Variants in CENPE observed in about 807,000 individuals in gnomAD.
CENPE encodes centromere protein E.
Under a neutral mutation model 336.1 loss-of-function variants are expected in CENPE, and 145 were observed. The observed-to-expected ratio is 0.43, with a 90% CI of 0.38 to 0.50. The LOEUF (loss-of-function observed/expected upper bound fraction) is 0.50, where lower values mean the gene tolerates loss of function less well. Ranked by LOEUF, CENPE falls within the 20% of genes least tolerant of loss-of-function variation. The pLI is 0.00. For synonymous variants in CENPE, 1,013 were observed against 984.8 expected (o/e 1.03, Z -0.54); for missense variants, 2,719 against 3,023.3 (o/e 0.90, Z 2.36).
chr4:103,173,632 C>CAATATTTGCAGAAAT (rs1755611740), intron 16 of CENPE, among the ~76,000 whole-genome samples: 1 of 112,530 alleles, frequency 8.9e-6, no homozygotes, highest in Non-Finnish European at 2.1e-5. Context: ...GCAAAATATA[C>CAATATTTGCAGAAAT]ATCTGACACA....
chr4:103,176,005 T>C lies in CENPE; in HGVS notation c.1434A>G (p.Thr478=), dbSNP rs775360155. The C allele has an allele frequency of 3.7e-6, 6 of 1,607,642 alleles. No individual in the cohort carries two copies. The African/African-American group carries it at 6.7e-5, about 18-fold the overall frequency. Residue 478 remains threonine, a synonymous_variant, in exon 15 of 49, where the codon ACA becomes ACG. Coordinates refer to ENST00000265148, the MANE Select transcript of CENPE (RefSeq NM_001813.3). Reference sequence around the variant, plus strand: ...CTGGATTCCATTCTATCTCACTTAATGTATCAAGAGTGTTACTGAAAACAT... The same window carrying C: ...CTGGATTCCATTCTATCTCACTTAACGTATCAAGAGTGTTACTGAAAACAT... ...ESDVFSNTLD[T]LSEIEWNPAT... is the part of the protein sequence containing the mutation.
Position 103,120,165 on chromosome 4 carries a change from T to G in CENPE, c.7312A>C (p.Thr2438Pro). Residue 2438 changes from threonine (T) to proline (P), a missense_variant, in exon 44 of 49, where the codon ACA becomes CCA. Physicochemically the swap from Thr to Pro is conservative, Grantham distance 38 (BLOSUM62 -1). This residue lies in a region of CENPE where 2,437 missense variants were observed against 2,513.3 expected (regional missense o/e 0.97). Coordinates refer to ENST00000265148, the MANE Select transcript of CENPE (RefSeq NM_001813.3). Reference protein sequence around the residue: ...SNKCLEKTKETIQVLQDKVAL... With the variant: ...SNKCLEKTKEPIQVLQDKVAL... Reference sequence around the variant, plus strand: ...TAAGTTACCTGAAGTACTTGAATTGTCTCTTTTGTTTTTTCAAGGCATTTA... The same window carrying G: ...TAAGTTACCTGAAGTACTTGAATTGGCTCTTTTGTTTTTTCAAGGCATTTA... 1 of 1,600,324 alleles carries G rather than the reference T, an allele frequency of 6.2e-7. No individual in the cohort carries two copies. Among genetic ancestry groups the G allele is most frequent in the South Asian group, 1.1e-5 (1 of 87,584 alleles).
At position 103,145,162 on chromosome 4, in the gene CENPE, T is replaced by G. The variant is rs1490511631; in HGVS notation, c.4745A>C (p.Gln1582Pro). The change falls in exon 32 of 49, where the codon CAA becomes CCA. Residue 1582 changes from glutamine to proline, a missense_variant. Physicochemically the swap from Gln to Pro is moderately conservative, Grantham distance 76 (BLOSUM62 -1). Around this residue, in one of 5 missense-constraint regions of CENPE, gnomAD observed 2,437 missense variants for 2,513.3 expected, o/e 0.97. Transcript: ENST00000265148. ...LELTNRLQES[Q>P]EEIQIMIKEK... ...CTTAATCATAATTTGTATTTCTTCT[T>G]GACTTTCTTGAAGTCTGTTGGTCAA... 1 of 1,613,418 alleles carries G rather than the reference T, an allele frequency of 6.2e-7. No individual in the cohort carries two copies. Among genetic ancestry groups the G allele is most frequent in the Non-Finnish European group, 8.5e-7 (1 of 1,179,720 alleles).
Position 103,141,844 on chromosome 4 carries a change from A to C in CENPE, c.5369T>G (p.Ile1790Ser), listed in dbSNP as rs746916598. The stretch of plus-strand genomic sequence containing the variant: ...AGAAACAATTCCTCTGAGTTTGTCA[A>C]TAGTTTCCTGCTGCTCTTTCAGATG... Reference protein sequence around the residue: ...HMHLKEQQETIDKLRGIVSEK... With the variant: ...HMHLKEQQETSDKLRGIVSEK... Residue 1790 changes from isoleucine to serine, a missense_variant, in exon 35 of 49, where the codon ATT (isoleucine) becomes AGT (serine). Ile to Ser is a moderately radical substitution (Grantham distance 142). This residue lies in a region of CENPE where 2,437 missense variants were observed against 2,513.3 expected (regional missense o/e 0.97). Coordinates refer to ENST00000265148, the MANE Select transcript of CENPE (RefSeq NM_001813.3). 6.2e-7 allele frequency: 1 copy of C among 1,601,008 alleles called. No homozygotes were observed. Among genetic ancestry groups the C allele is most frequent in the South Asian group, 1.1e-5 (1 of 89,856 alleles).
Position 103,195,942 on chromosome 4 carries a change from T to C in CENPE, c.335A>G (p.Asp112Gly). Residue 112 changes from aspartate to glycine, a missense_variant, in exon 4 of 49, where the codon GAC (aspartate) becomes GGC (glycine). Transcript: ENST00000265148. The part of the protein sequence containing the change: ...HLGVIPRAIH[D>G]IFQKIKKFPD... ...TACCTTCTTAATTTTTTGGAAAATG[T>C]CATGAATTGCCCTGGGTATAACTCC... The C allele has an allele frequency of 6.2e-7, 1 of 1,613,006 alleles. No homozygotes were observed.
intron 16 of CENPE, among the ~76,000 whole-genome samples, chr4:103,166,105 C>T (rs1207441239): frequency 6.6e-6 from 1 of 152,058 alleles, no homozygotes; most frequent in African/African-American, 2.4e-5. Flanking sequence ...ATTATTACCA[C>T]TTATCCCAAA....
At chr4:103,111,067 A>T in intron 46 of CENPE, 56 bp from the exon 47 acceptor site, 1 of 1,261,006 alleles carries the variant, frequency 7.9e-7, no homozygotes, top group Non-Finnish European at 1.1e-6. Flanking sequence ...CAAAGTTCAA[A>T]ATAAAGGAAA....
chr4:103,163,608 C>CAAAAAAAAAAAAAAAAA (rs11315612), intron 16 of CENPE, 55 bp from the exon 17 acceptor site: 27 of 304,420 alleles, frequency 8.9e-5, no homozygotes, highest in South Asian at 3.9e-4. Flanking sequence ...TAAAGCAAAG[C>CAAAAAAAAAAAAAAAAA]AAAAAAAAAA....
In CENPE at chr4:103,145,296, T is replaced by C; in HGVS notation, c.4611A>G (p.Ile1537Met). The C allele has an allele frequency of 6.3e-7, 1 of 1,591,166 alleles. No individual in the cohort carries two copies. Among genetic ancestry groups the C allele is most frequent in the South Asian group, 1.1e-5 (1 of 88,638 alleles). ...TTTCCTGAACCTCACTAATTTGTTT[T>C]ATATTAAATTGTTCCTCTTTCTCAT... is the stretch of plus-strand genomic sequence containing the variant. The part of the protein sequence containing the change: ...EIYEKEEQFN[I>M]KQISEVQEKV... Residue 1537 changes from isoleucine to methionine, a missense_variant, in exon 32 of 49, where the codon ATA (isoleucine) becomes ATG (methionine). By Grantham distance (10) the Ile-to-Met change is conservative. Coordinates refer to ENST00000265148, the MANE Select transcript of CENPE (RefSeq NM_001813.3).
Position 103,185,114 on chromosome 4 carries a change from G to C in CENPE, c.745+696C>G, listed in dbSNP as rs547672065. 1.1e-4 allele frequency among the ~76,000 whole-genome samples: 16 copies of C among 152,192 alleles called. No individual in the cohort carries two copies. The South Asian group carries it at 3.3e-3, about 32-fold the overall frequency. Reference sequence around the variant, plus strand: ...GAGGCCAAGAGTTGGAGACCAGCCTGACCAACATGGCGAAACTCTGTCTCT... The same window carrying C: ...GAGGCCAAGAGTTGGAGACCAGCCTCACCAACATGGCGAAACTCTGTCTCT... On this transcript the variant is annotated intron_variant, in intron 9 of 48. Transcript: ENST00000265148.
intron 41 of CENPE, among the ~76,000 whole-genome samples, chr4:103,133,117 T>G (rs1263363050): frequency 6.6e-6 from 1 of 151,884 alleles, no homozygotes; most frequent in Non-Finnish European, 1.5e-5. Context: ...ATAATATAAT[T>G]TTGGCAGTAT....
rs766967508 is a variant in CENPE, at chr4:103,140,232, AAAG to A, written c.5913+21_5913+23del. On this transcript the variant is annotated intron_variant, in intron 37 of 48. Transcript: ENST00000265148. ...ATAATTTTGGGCACAGTTACTTCCAAAAGAAGAACAAAACAACACATACCTTTT... is the reference window on the plus strand; with the variant it reads ...ATAATTTTGGGCACAGTTACTTCCAAAAGAACAAAACAACACATACCTTTT... 11 of 1,570,448 alleles carry A rather than the reference AAAG, an allele frequency of 7.0e-6. No homozygotes were observed. In the South Asian group the frequency reaches 9.6e-5, roughly 14 times the overall value.
At chr4:103,135,737 C>G (rs1320678062) in intron 40 of CENPE, among the ~76,000 whole-genome samples, 1 of 149,434 alleles carries the variant, frequency 6.7e-6, no homozygotes, top group Admixed American at 6.8e-5. Context: ...AAACAATAGT[C>G]TAATGATTCC....
chr4:103,188,401 T>G (rs1223543766), intron 8 of CENPE, among the ~76,000 whole-genome samples: 1 of 152,156 alleles, frequency 6.6e-6, no homozygotes, highest in Non-Finnish European at 1.5e-5. Flanking sequence ...AGTAAAGCAC[T>G]CCTCAGCAAA....
chr4:103,148,742 C>A (rs1753279443), intron 28 of CENPE, 102 bp downstream of exon 28: 2 of 1,055,638 alleles, frequency 1.9e-6, no homozygotes, highest in Middle Eastern at 2.6e-4. Context: ...CTTACCCAGT[C>A]AATTAATGAA....
intron 46 of CENPE, among the ~76,000 whole-genome samples, chr4:103,113,608 T>A (rs1436669069): frequency 1.4e-5 from 2 of 143,922 alleles, no homozygotes; most frequent in African/African-American, 2.5e-5. Flanking sequence ...ATGTAAGTAA[T>A]AAAGAAGTAA....
In CENPE at chr4:103,133,841, T is replaced by G. The variant is rs1172974375; in HGVS notation, c.6574A>C (p.Asn2192His). The G allele has an allele frequency of 1.0e-5, 16 of 1,600,906 alleles. No homozygotes were observed. Among genetic ancestry groups the G allele is most frequent in the Non-Finnish European group, 1.4e-5 (16 of 1,170,510 alleles). ...TCAATAAAATCCATTTCAAATTTAT[T>G]GATGGATTCATGTTGTTCTTCTTTT... ...KIKEEQHESI[N>H]KFEMDFIDEV... The change falls in exon 41 of 49, where the codon AAT (asparagine) becomes CAT (histidine). Residue 2192 changes from asparagine (N) to histidine (H), a missense_variant. This residue lies in a region of CENPE where 2,437 missense variants were observed against 2,513.3 expected (regional missense o/e 0.97). Transcript: ENST00000265148.
intron 16 of CENPE, among the ~76,000 whole-genome samples, chr4:103,165,907 AAG>A (rs1017141875): frequency 4.6e-5 from 7 of 151,584 alleles, no homozygotes; most frequent in Non-Finnish European, 4.4e-5. Flanking sequence ...AAAAAAGAAA[AAG>A]AAATTTAAAA....
At chr4:103,124,981 C>T (rs1346040229) in intron 42 of CENPE, among the ~76,000 whole-genome samples, 2 of 152,196 alleles carry the variant, frequency 1.3e-5, no homozygotes. Context: ...ACAACTGGGT[C>T]TCCAGTATTA....
Sources: allele counts gnomAD v4.1 joint callset (sites outside exome capture counted in the v4.1 genomes callset), GRCh38; gene constraint gnomAD v4.1.1; regional missense constraint gnomAD v4.1.1; transcripts MANE v1.5; gene names NCBI Gene and HGNC (gene_info 2026-07-23, HGNC 2026-07-21).